Variants in DNAH1 observed in about 807,000 individuals in gnomAD.
DNAH1 encodes axonemal beta dynein heavy chain 1.
Under a neutral mutation model 484.3 loss-of-function variants are expected in DNAH1, and 327 were observed. The observed-to-expected ratio is 0.68, with a 90% CI of 0.62 to 0.74. The LOEUF (loss-of-function observed/expected upper bound fraction) is 0.74, where lower values mean the gene tolerates loss of function less well. Ranked by LOEUF, DNAH1 falls within the 30% of genes least tolerant of loss-of-function variation. DNAH1 has a pLI of 0.00. For missense variants in DNAH1, 5,052 were observed against 5,546.8 expected (o/e 0.91, Z 2.83); for synonymous variants, 2,192 against 2,191.9 (o/e 1.00, Z 0.00).
chr3:52,391,746 C>A, intron 63 of DNAH1, 143 bp downstream of exon 63: 2 of 978,276 alleles, frequency 2.0e-6, no homozygotes, highest in Non-Finnish European at 3.1e-6. Flanking sequence ...CACTCACATT[C>A]GAAGCCTTTC....
chr3:52,392,569 G>T lies in DNAH1; in HGVS notation c.10158G>T (p.Glu3386Asp), dbSNP rs768895226. 3 of 1,613,888 alleles carry T rather than the reference G, an allele frequency of 1.9e-6. No homozygotes were observed. Among genetic ancestry groups the T allele is most frequent in the Non-Finnish European group, 2.5e-6 (3 of 1,179,898 alleles). ...TCAGTAATGCCAAGATGCGCCAGGA[G>T]CTGAAGGACATTGAGGACCAGATCC... ...LIISNAKMRQ[E>D]LKDIEDQILY... Residue 3386 changes from glutamate (E) to aspartate (D), a missense_variant, in exon 64 of 78, where the codon GAG becomes GAT. This residue lies in a region of DNAH1 where 2,929 missense variants were observed against 3,409.4 expected (regional missense o/e 0.86). Transcript: ENST00000420323.
At chr3:52,390,623 G>C (rs532243859) in intron 60 of DNAH1, among the ~76,000 whole-genome samples, 23 of 152,264 alleles carry the variant, frequency 1.5e-4, no homozygotes, top group Non-Finnish European at 3.1e-4. Flanking sequence ...TAGGCAAGAG[G>C]ACAAAAAGGC....
In DNAH1 at chr3:52,355,005, C is replaced by T. The variant is rs373400875; in HGVS notation, c.3643C>T (p.Pro1215Ser). The change falls in exon 21 of 78, where the codon CCC becomes TCC. Residue 1215 changes from proline to serine, a missense_variant. Physicochemically the swap from Pro to Ser is moderately conservative, Grantham distance 74 (BLOSUM62 -1). Around this residue, in one of 4 missense-constraint regions of DNAH1, gnomAD observed 2,929 missense variants for 3,409.4 expected, o/e 0.86. Transcript: ENST00000420323. The surrounding 1 kb of genome is among the most constrained non-coding windows in gnomAD (Gnocchi z 4.5). ...TATGTCATTTTCACCCTACAAGAAGCCCTTTGAGCAGCGCATCAACTCCTG... is the reference window on the plus strand; with the variant it reads ...TATGTCATTTTCACCCTACAAGAAGTCCTTTGAGCAGCGCATCAACTCCTG... ...QNMSFSPYKKPFEQRINSWEN... is the reference protein window; with the variant it reads ...QNMSFSPYKKSFEQRINSWEN... 3 of 1,613,858 alleles carry T rather than the reference C, an allele frequency of 1.9e-6. No homozygotes were observed. Among genetic ancestry groups the T allele is most frequent in the Non-Finnish European group, 2.5e-6 (3 of 1,179,892 alleles).
rs780656736 is a variant in DNAH1, at chr3:52,386,729, G to C, written c.8879G>C (p.Gly2960Ala). ...ATAGAAGCTGTGTGCATTATGAAAG[G>C]CATCAAGCCCAAGAAGGTGCCTGGA... Reference protein sequence around the residue: ...LVIEAVCIMKGIKPKKVPGEK... With the variant: ...LVIEAVCIMKAIKPKKVPGEK... Residue 2960 changes from glycine (G) to alanine (A), a missense_variant, in exon 56 of 78, where the codon GGC (glycine) becomes GCC (alanine). Coordinates refer to ENST00000420323, the MANE Select transcript of DNAH1 (RefSeq NM_015512.5). 3 of 1,591,072 alleles carry C rather than the reference G, an allele frequency of 1.9e-6. No individual in the cohort carries two copies. In the East Asian group the frequency reaches 6.9e-5, roughly 36 times the overall value.
Position 52,360,363 on chromosome 3 carries a change from A to T in DNAH1, c.4624A>T (p.Ile1542Phe), listed in dbSNP as rs774128104. 6.2e-7 allele frequency: 1 copy of T among 1,613,998 alleles called. No individual in the cohort carries two copies. Among genetic ancestry groups the T allele is most frequent in the Non-Finnish European group, 8.5e-7 (1 of 1,179,878 alleles). Residue 1542 changes from isoleucine (I) to phenylalanine (F), a missense_variant, in exon 28 of 78, where the codon ATC (isoleucine) becomes TTC (phenylalanine). Ile to Phe is a conservative substitution (Grantham distance 21). This residue lies in a region of DNAH1 where 2,929 missense variants were observed against 3,409.4 expected (regional missense o/e 0.86). Coordinates refer to ENST00000420323, the MANE Select transcript of DNAH1 (RefSeq NM_015512.5). Reference protein sequence around the residue: ...LYIRAVNAEFIYGYEYLGNSG... With the variant: ...LYIRAVNAEFFYGYEYLGNSG... ...TATCCGTGCTGTGAATGCTGAGTTC[A>T]TCTATGGCTATGAGTACCTGGGCAA...
rs1176889163 is a variant in DNAH1 at position 52,358,988 on chromosome 3, GTC to G, written c.4266+253_4266+254del. ...GCTCCAGGCTGGGCCCTCTCCTGCA[GTC>G]TTTCTCTCAGCTCCATGACCATAAC... On this transcript the variant is annotated intron_variant, in intron 25 of 77. Coordinates refer to ENST00000420323, the MANE Select transcript of DNAH1 (RefSeq NM_015512.5). This position sits in a 1 kb window ranked among gnomAD's most constrained non-coding sequence, Gnocchi z 4.2. Among the ~76,000 whole-genome samples the G allele has an allele frequency of 2.0e-5, 3 of 152,106 alleles. No individual in the cohort carries two copies. Among genetic ancestry groups the G allele is most frequent in the Non-Finnish European group, 4.4e-5 (3 of 68,020 alleles).
chr3:52,378,910 C>A, intron 47 of DNAH1, 130 bp downstream of exon 47: 1 of 1,160,916 alleles, frequency 8.6e-7, no homozygotes, highest in Non-Finnish European at 1.2e-6. Flanking sequence ...AGGTGCCAGG[C>A]CCTCCAGAGC....
chr3:52,374,750 C>A, intron 44 of DNAH1: 1 of 1,188,904 alleles, frequency 8.4e-7, no homozygotes, highest in Non-Finnish European at 1.3e-6. Context: ...TGAATCTGTT[C>A]ATAGAGATGG....
At position 52,373,091 on chromosome 3, in the gene DNAH1, C is replaced by T. The variant is rs1256083318; in HGVS notation, c.6985+38C>T. The stretch of plus-strand genomic sequence containing the variant: ...GGCCTGGCTCACAGGGCAAGGGCTA[C>T]GCGTGCTGTGCAGGGGCACAGGAGG... On this transcript the variant is annotated intron_variant, in intron 44 of 77. Transcript: ENST00000420323. 7 of 1,583,770 alleles carry T rather than the reference C, an allele frequency of 4.4e-6. 1 individual carries two copies. Among genetic ancestry groups the T allele is most frequent in the South Asian group, 3.4e-5 (3 of 87,730 alleles).
Position 52,395,558 on chromosome 3 carries a change from A to G in DNAH1, c.11139A>G (p.Ala3713=). 6.2e-7 allele frequency: 1 copy of G among 1,613,690 alleles called. No individual in the cohort carries two copies. The highest frequency in any genetic ancestry group is 8.5e-7 in the Non-Finnish European group (1 of 1,179,888). Residue 3713 remains alanine, a synonymous_variant, in exon 70 of 78, where the codon GCA becomes GCG. Coordinates refer to ENST00000420323, the MANE Select transcript of DNAH1 (RefSeq NM_015512.5). This position sits in a 1 kb window ranked among gnomAD's most constrained non-coding sequence, Gnocchi z 4.4. The part of the protein sequence containing the change: ...ISLGQGQGPR[A]EAMMRSSIER... ...TCTTGCCCCTGCAGGGCCCTCGGGCAGAAGCCATGATGCGCAGCTCCATAG... is the reference window on the plus strand; with the variant it reads ...TCTTGCCCCTGCAGGGCCCTCGGGCGGAAGCCATGATGCGCAGCTCCATAG...
chr3:52,379,220 G>T lies in DNAH1; in HGVS notation c.7377+440G>T, dbSNP rs770455200. ...ACATGGAGCTTAAATTTGTTCTGAG[G>T]GTGTAATGAGCCGTGTGGGTGGGCG... On this transcript the variant is annotated intron_variant, in intron 47 of 77. Transcript: ENST00000420323. This position sits in a 1 kb window ranked among gnomAD's most constrained non-coding sequence, Gnocchi z 4.4. 2.1e-4 allele frequency among the ~76,000 whole-genome samples: 32 copies of T among 152,122 alleles called. No homozygotes were observed. The highest frequency in any genetic ancestry group is 4.3e-4 in the Non-Finnish European group (29 of 68,020).
intron 65 of DNAH1, 138 bp downstream of exon 65, chr3:52,393,163 C>T: frequency 7.1e-7 from 1 of 1,412,952 alleles, no homozygotes; most frequent in Non-Finnish European, 9.7e-7. Flanking sequence ...CATAAGAATG[C>T]ACACAGCACG....
intron 8 of DNAH1, among the ~76,000 whole-genome samples, chr3:52,338,082 C>A (rs1238345830): frequency 6.6e-6 from 1 of 152,138 alleles, no homozygotes; most frequent in Non-Finnish European, 1.5e-5. Context: ...GAGTGAGTCA[C>A]CATGCTCAGC....
rs147256170 is a variant in DNAH1, at chr3:52,398,369, C to T, written c.12089+207C>T. On this transcript the variant is annotated intron_variant, in intron 75 of 77. Coordinates refer to ENST00000420323, the MANE Select transcript of DNAH1 (RefSeq NM_015512.5). ...TGATCTCAGCTCACTGCAACCTCCACCTCCCGGGTTCAAGCGATTCTCCTG... is the reference window on the plus strand; with the variant it reads ...TGATCTCAGCTCACTGCAACCTCCATCTCCCGGGTTCAAGCGATTCTCCTG... Among the ~76,000 whole-genome samples, 585 of 152,308 alleles carry T rather than the reference C, an allele frequency of 3.8e-3. 3 individuals are homozygous for T. Among genetic ancestry groups the T allele is most frequent in the South Asian group, 0.023 (112 of 4,834 alleles).
chr3:52,334,328 G>A (rs991678596), intron 8 of DNAH1, among the ~76,000 whole-genome samples: 5 of 152,232 alleles, frequency 3.3e-5, no homozygotes, highest in African/African-American at 1.2e-4. Context: ...CATGAATGGA[G>A]CCTGCAGGGC....
the DNAH1 span, among the ~76,000 whole-genome samples, chr3:52,311,029 C>T: frequency 1.3e-5 from 2 of 152,206 alleles, no homozygotes; most frequent in African/African-American, 4.8e-5. Flanking sequence ...TTGACTGTTT[C>T]TACACACCCC....
At position 52,352,458 on chromosome 3, in the gene DNAH1, G is replaced by A. The variant is rs1356927019; in HGVS notation, c.2872-94G>A. 1.1e-5 allele frequency: 17 copies of A among 1,497,764 alleles called. 1 individual carries two copies. In the East Asian group the frequency reaches 1.4e-4, roughly 12 times the overall value. 92.8% of individuals were successfully genotyped at this position (1,497,764 alleles called of 1,614,324 possible). ...CTCCTTAGAACTCGGAGGAGTGGAC[G>A]TCCTGGGACCTCTGGTTCCCTGGGT... On this transcript the variant is annotated intron_variant, in intron 17 of 77. Transcript: ENST00000420323.
In DNAH1 at chr3:52,361,084, C is replaced by T. The variant is rs1380939981; in HGVS notation, c.4686-80C>T. 2 of 1,323,970 alleles carry T rather than the reference C, an allele frequency of 1.5e-6. No individual in the cohort carries two copies. Among genetic ancestry groups the T allele is most frequent in the Non-Finnish European group, 2.0e-6 (2 of 1,018,862 alleles). 82.0% of individuals were successfully genotyped at this position (1,323,970 alleles called of 1,614,324 possible). A position where few individuals can be genotyped will look rare whatever the true frequency, so the allele number is the denominator to read the frequency against. ...CCAAAAGGGGACGGGGCGAGAGGCC[C>T]CAGTCCACAGGAAATTCCAAGGAAA... On this transcript the variant is annotated intron_variant, in intron 28 of 77. Coordinates refer to ENST00000420323, the MANE Select transcript of DNAH1 (RefSeq NM_015512.5). The surrounding 1 kb of genome is among the most constrained non-coding windows in gnomAD (Gnocchi z 5.6).
At position 52,350,065 on chromosome 3, in the gene DNAH1, G is replaced by A. The variant is rs1049663805; in HGVS notation, c.2603G>A (p.Arg868Gln). ...AGCATTGAGGAGCTGGCTGAGCTGCGAGAGTGGATGAAGGGCATCCCGGAG... is the reference window on the plus strand; with the variant it reads ...AGCATTGAGGAGCTGGCTGAGCTGCAAGAGTGGATGAAGGGCATCCCGGAG... ...PNSIEELAEL[R>Q]EWMKGIPERL... The change falls in exon 15 of 78, where the codon CGA (arginine) becomes CAA (glutamine). Residue 868 changes from arginine to glutamine, a missense_variant. Arg to Gln is a conservative substitution (Grantham distance 43). Around this residue, in one of 4 missense-constraint regions of DNAH1, gnomAD observed 1,263 missense variants for 1,218.8 expected, o/e 1.04. Coordinates refer to ENST00000420323, the MANE Select transcript of DNAH1 (RefSeq NM_015512.5). 12 of 1,612,814 alleles carry A rather than the reference G, an allele frequency of 7.4e-6. No homozygotes were observed. The highest frequency in any genetic ancestry group is 1.3e-5 in the African/African-American group (1 of 74,876).
Sources: gnomAD v4.1 joint callset for allele counts (sites outside exome capture counted in the v4.1 genomes callset) on GRCh38, gnomAD v4.1.1 for gene constraint, gnomAD v4.1.1 regional missense constraint, Gnocchi (gnomAD v3.1) non-coding constraint, MANE v1.5 for transcripts, NCBI Gene and HGNC (gene_info 2026-07-23, HGNC 2026-07-21) for gene names.